Variants in DLGAP2 observed in about 807,000 individuals in gnomAD.
DLGAP2 encodes the protein disks large-associated protein 2.
DLGAP2 carries 26 observed loss-of-function variants against 100.3 expected under a neutral mutation model. The observed-to-expected ratio is 0.26, with a 90% CI of 0.19 to 0.36. The LOEUF (loss-of-function observed/expected upper bound fraction) is 0.36, where lower values mean the gene tolerates loss of function less well. Ranked by LOEUF, DLGAP2 falls within the 10% of genes least tolerant of loss-of-function variation. The pLI is 1.00. For missense variants in DLGAP2, 1,858 were observed against 1,453.2 expected, an observed-to-expected ratio of 1.28 and a Z score of -4.53; for synonymous variants, 886 against 630.1, an observed-to-expected ratio of 1.41 and a Z score of -6.08.
intron 10 of DLGAP2, among the ~76,000 whole-genome samples, chr8:1,676,050 G>A (rs894773452): frequency 3.3e-5 from 5 of 152,186 alleles, no homozygotes; most frequent in African/African-American, 1.2e-4. Flanking sequence ...GATGAAGGTG[G>A]AGAGTTTGCC....
At chr8:1,629,176 C>T (rs965142838) in intron 7 of DLGAP2, among the ~76,000 whole-genome samples, 1 of 152,166 alleles carries the variant, frequency 6.6e-6, no homozygotes, top group African/African-American at 2.4e-5. Flanking sequence ...GTTTTTTCCT[C>T]ATCGGAAGGT....
At chr8:1,420,310 A>C (rs533058923) in intron 3 of DLGAP2, among the ~76,000 whole-genome samples, 1 of 152,248 alleles carries the variant, frequency 6.6e-6, no homozygotes, top group South Asian at 2.1e-4. Context: ...TTAGGAAACC[A>C]TGGGGTTTTA....
At chr8:801,240 A>G (rs12681206) in intron 1 of DLGAP2, among the ~76,000 whole-genome samples, 18,734 of 152,262 alleles carry the variant, frequency 0.12, 1,363 homozygotes, top group East Asian at 0.25. Flanking sequence ...TATGATCAAT[A>G]CAACTTTGTT....
At chr8:1,306,544 C>G (rs924453248) in intron 3 of DLGAP2, among the ~76,000 whole-genome samples, 1 of 151,982 alleles carries the variant, frequency 6.6e-6, no homozygotes, top group Non-Finnish European at 1.5e-5. Flanking sequence ...AAAATCCACC[C>G]TAAAATTTAT....
At chr8:1,327,151 A>G (rs1436406876) in intron 3 of DLGAP2, among the ~76,000 whole-genome samples, 1 of 152,232 alleles carries the variant, frequency 6.6e-6, no homozygotes, top group Non-Finnish European at 1.5e-5. Flanking sequence ...GAGCGAGATT[A>G]CAGTTCCGAG....
chr8:1,233,121 T>G (rs1376733654), intron 2 of DLGAP2, among the ~76,000 whole-genome samples: 2 of 152,190 alleles, frequency 1.3e-5, no homozygotes, highest in East Asian at 3.9e-4. Flanking sequence ...TAATAGACAC[T>G]CCCTCCATGC....
chr8:1,500,124 C>G (rs1055608571), intron 3 of DLGAP2, among the ~76,000 whole-genome samples: 4 of 152,190 alleles, frequency 2.6e-5, no homozygotes, highest in African/African-American at 9.7e-5. Context: ...AAAATGGTGA[C>G]AAAGATGTGT....
chr8:1,653,306 G>T (rs574029580), intron 8 of DLGAP2, among the ~76,000 whole-genome samples: 11 of 152,290 alleles, frequency 7.2e-5, no homozygotes, highest in Admixed American at 7.2e-4. Flanking sequence ...CTGCGGGTGG[G>T]GTAGGGAGCC....
chr8:1,541,693 A>G lies in DLGAP2; in HGVS notation c.173-6933A>G, dbSNP rs112024492. ...ACCTCTGCCAGCTCACCCAGACGAG[A>G]TCTAAGGATTTCCCTTAAGCTTTCC... On this transcript the variant is annotated intron_variant, in intron 4 of 14. Transcript: ENST00000637795. 7.4e-3 allele frequency among the ~76,000 whole-genome samples: 1,133 copies of G among 152,354 alleles called. 6 individuals carry two copies. The highest frequency in any genetic ancestry group is 0.012 in the Non-Finnish European group (815 of 68,036).
intron 13 of DLGAP2, among the ~76,000 whole-genome samples, chr8:1,695,254 G>A (rs1470375272): frequency 2.0e-5 from 3 of 150,586 alleles, no homozygotes; most frequent in Admixed American, 6.6e-5. Flanking sequence ...TACAGAAACA[G>A]GGGGCACAGC....
At chr8:1,036,675 G>C (rs139203420) in intron 2 of DLGAP2, among the ~76,000 whole-genome samples, 1 of 152,124 alleles carries the variant, frequency 6.6e-6, no homozygotes, top group Non-Finnish European at 1.5e-5. Flanking sequence ...ACCCTAGAGA[G>C]CAGCTGTCGT....
chr8:1,309,525 G>A (rs1800564996), intron 3 of DLGAP2, among the ~76,000 whole-genome samples: 1 of 152,174 alleles, frequency 6.6e-6, no homozygotes, highest in Non-Finnish European at 1.5e-5. Flanking sequence ...CAATGAAGGA[G>A]GAAGTAAGAC....
intron 3 of DLGAP2, among the ~76,000 whole-genome samples, chr8:1,478,628 C>A (rs115853353): frequency 1.3e-5 from 2 of 151,708 alleles, no homozygotes; most frequent in Admixed American, 1.3e-4. Context: ...CCCCACAAGG[C>A]CCTCCTTTCT....
At chr8:1,483,378 G>T (rs142803891) in intron 3 of DLGAP2, among the ~76,000 whole-genome samples, 1 of 152,182 alleles carries the variant, frequency 6.6e-6, no homozygotes, top group East Asian at 1.9e-4. Context: ...GTCTCCAGGC[G>T]CCACGTGGAG....
intron 2 of DLGAP2, among the ~76,000 whole-genome samples, chr8:1,183,570 C>G (rs899739203): frequency 1.3e-5 from 2 of 152,224 alleles, no homozygotes; most frequent in Non-Finnish European, 2.9e-5. Context: ...AGTATCCTCA[C>G]CATGTTGCAC....
At chr8:1,025,505 A>G (rs1239886246) in intron 2 of DLGAP2, among the ~76,000 whole-genome samples, 1 of 152,226 alleles carries the variant, frequency 6.6e-6, no homozygotes, top group African/African-American at 2.4e-5. Flanking sequence ...AAAGAAGCAC[A>G]AAGAGTTACC....
chr8:1,686,171 A>C (rs1018515391), intron 12 of DLGAP2, among the ~76,000 whole-genome samples: 1 of 152,238 alleles, frequency 6.6e-6, no homozygotes, highest in African/African-American at 2.4e-5. Context: ...GAAGAGACCT[A>C]GGTTCCCATC....
chr8:1,470,435 A>G (rs1479983771), intron 3 of DLGAP2, among the ~76,000 whole-genome samples: 2 of 152,068 alleles, frequency 1.3e-5, no homozygotes, highest in Non-Finnish European at 2.9e-5. Context: ...CAGCTGATAG[A>G]TATGTTTAAT....
chr8:1,081,691 T>C (rs979911796), intron 2 of DLGAP2, among the ~76,000 whole-genome samples: 1 of 152,222 alleles, frequency 6.6e-6, no homozygotes, highest in Non-Finnish European at 1.5e-5. Flanking sequence ...CCTTTTCTTA[T>C]TAATTCCATT....
Sources: allele counts gnomAD v4.1 joint callset (sites outside exome capture counted in the v4.1 genomes callset), GRCh38; gene constraint gnomAD v4.1.1; transcripts MANE v1.5; gene names NCBI Gene and HGNC (gene_info 2026-07-23, HGNC 2026-07-21).